The following SEMA6D variants were observed in gnomAD, a reference collection of about 807,000 sequenced individuals.
SEMA6D encodes the protein semaphorin-6D.
SEMA6D carries 35 observed loss-of-function variants against 106.6 expected under a neutral mutation model. That is an observed-to-expected ratio of 0.33 (90% CI 0.25 to 0.44). The LOEUF (loss-of-function observed/expected upper bound fraction) is 0.44, where lower values mean the gene tolerates loss of function less well. SEMA6D is among the 20% of genes least tolerant of loss of function. SEMA6D has a pLI of 1.00. For synonymous variants in SEMA6D, 499 were observed against 487.7 expected, an observed-to-expected ratio of 1.02 and a Z score of -0.31; for missense variants, 1,185 against 1,345.9, an observed-to-expected ratio of 0.88 and a Z score of 1.87.
chr15:47,490,687 G>A lies in SEMA6D; in HGVS notation c.-87+20142G>A, dbSNP rs1345620692. ...CAAATAGAAGCTACAAACTAGCGCA[G>A]CAATATTTGTAAACATACAGCTGAC... On this transcript the variant is annotated intron_variant, in intron 3 of 19. Transcript: ENST00000558014. Among the ~76,000 whole-genome samples, 3 of 152,004 alleles carry A rather than the reference G, an allele frequency of 2.0e-5. No homozygotes were observed. In the East Asian group the frequency reaches 5.8e-4, roughly 29 times the overall value.
At chr15:47,700,780 G>T (rs187703857) in intron 4 of SEMA6D, among the ~76,000 whole-genome samples, 8 of 152,134 alleles carry the variant, frequency 5.3e-5, no homozygotes, top group African/African-American at 1.9e-4. Context: ...TATAGTATTG[G>T]CAAAAGAACA....
chr15:47,573,714 G>A (rs895883810), intron 3 of SEMA6D, among the ~76,000 whole-genome samples: 4 of 152,138 alleles, frequency 2.6e-5, no homozygotes, highest in Non-Finnish European at 1.5e-5. Context: ...CAATCAGCTG[G>A]ACTCCTTATA....
intron 1 of SEMA6D, among the ~76,000 whole-genome samples, chr15:47,356,143 A>G (rs1000680479): frequency 3.9e-5 from 6 of 152,040 alleles, no homozygotes; most frequent in Admixed American, 3.9e-4. Context: ...TCCTCTTCTT[A>G]CCCTTTTTTA....
At chr15:47,611,186 C>CACGCAT (rs56105834) in intron 4 of SEMA6D, among the ~76,000 whole-genome samples, 1 of 150,522 alleles carries the variant, frequency 6.6e-6, no homozygotes, top group Non-Finnish European at 1.5e-5. Flanking sequence ...CACACACACA[C>CACGCAT]GCATGCACAC....
chr15:47,604,886 TTA>T (rs2076745208), intron 4 of SEMA6D, among the ~76,000 whole-genome samples: 1 of 141,278 alleles, frequency 7.1e-6, no homozygotes, highest in Non-Finnish European at 1.6e-5. Context: ...TTTTGTATTT[TTA>T]GTAGAAATAA....
chr15:47,376,862 T>A (rs1240582830), intron 1 of SEMA6D, among the ~76,000 whole-genome samples: 1 of 152,216 alleles, frequency 6.6e-6, no homozygotes, highest in East Asian at 1.9e-4. Flanking sequence ...TTTCCCATGA[T>A]CACATCAGAA....
chr15:47,470,580 C>T (rs1034202408), intron 3 of SEMA6D: 1 of 152,022 alleles, frequency 6.6e-6, no homozygotes, highest in South Asian at 2.1e-4. Context: ...TATGTCTCTT[C>T]TGCATGGAAT....
At chr15:47,754,871 ATCT>A (rs2081625978) in intron 1 of SEMA6D, among the ~76,000 whole-genome samples, 1 of 151,336 alleles carries the variant, frequency 6.6e-6, no homozygotes, top group East Asian at 1.9e-4. Context: ...TTACTCACTA[ATCT>A]TCTCTTTACC....
At chr15:47,493,764 A>G (rs1334112520) in intron 3 of SEMA6D, among the ~76,000 whole-genome samples, 1 of 152,134 alleles carries the variant, frequency 6.6e-6, no homozygotes, top group Non-Finnish European at 1.5e-5. Context: ...AAACAAAGTA[A>G]TTTATCCAAG....
intron 1 of SEMA6D, among the ~76,000 whole-genome samples, chr15:47,216,616 CAA>C (rs912173582): frequency 5.9e-5 from 9 of 151,896 alleles, no homozygotes; most frequent in African/African-American, 1.9e-4. Context: ...ACAAGAAAAA[CAA>C]AGAGTCAGTT....
intron 4 of SEMA6D, among the ~76,000 whole-genome samples, chr15:47,677,829 G>A (rs1466690065): frequency 6.6e-6 from 1 of 152,170 alleles, no homozygotes; most frequent in Admixed American, 6.5e-5. Flanking sequence ...TAAATTGCTA[G>A]CAATTCTCAT....
intron 3 of SEMA6D, among the ~76,000 whole-genome samples, chr15:47,554,838 C>T (rs1391296813): frequency 2.6e-5 from 4 of 152,052 alleles, no homozygotes; most frequent in Admixed American, 6.6e-5. Flanking sequence ...TAAAGCAAGG[C>T]GGTCTGTGTT....
intron 3 of SEMA6D, among the ~76,000 whole-genome samples, chr15:47,581,999 A>C (rs1321213180): frequency 1.3e-5 from 2 of 152,240 alleles, no homozygotes; most frequent in Non-Finnish European, 2.9e-5. Flanking sequence ...AGATTGTCCC[A>C]AAACAGATTC....
intron 4 of SEMA6D, among the ~76,000 whole-genome samples, chr15:47,628,633 T>C (rs1208416429): frequency 6.6e-6 from 1 of 152,154 alleles, no homozygotes; most frequent in East Asian, 1.9e-4. Flanking sequence ...ACATTTTTAA[T>C]ATGTTCTAGA....
At chr15:47,187,296 C>G (rs1893647291) in intron 1 of SEMA6D, among the ~76,000 whole-genome samples, 1 of 152,270 alleles carries the variant, frequency 6.6e-6, no homozygotes, top group African/African-American at 2.4e-5. Flanking sequence ...CTAGCTGCTT[C>G]TAAATATTCA....
rs182411076 is a variant in SEMA6D at position 47,735,283 on chromosome 15, G to A, written c.-55+17591G>A. 4.6e-5 allele frequency among the ~76,000 whole-genome samples: 7 copies of A among 152,272 alleles called. No individual in the cohort carries two copies. The East Asian group carries it at 1.4e-3, about 29-fold the overall frequency. On this transcript the variant is annotated intron_variant, in intron 1 of 18. Coordinates refer to ENST00000536845, the MANE Select transcript of SEMA6D (RefSeq NM_001358351.3). ...ATGACAACAATAACTTTTAGAGAAG[G>A]CACTACGGTATAGTCATCATGGCCC...
chr15:47,629,070 T>C (rs1394021859), intron 4 of SEMA6D, among the ~76,000 whole-genome samples: 2 of 152,074 alleles, frequency 1.3e-5, no homozygotes. Context: ...TTAAGTTCTC[T>C]ATTCAGTGTC....
chr15:47,192,586 TC>T (rs997275318), intron 1 of SEMA6D, among the ~76,000 whole-genome samples: 3 of 152,100 alleles, frequency 2.0e-5, no homozygotes, highest in African/African-American at 7.2e-5. Flanking sequence ...AGCATTTTTT[TC>T]AAAGAATAAC....
At chr15:47,396,191 T>C (rs1359957816) in intron 1 of SEMA6D, among the ~76,000 whole-genome samples, 1 of 152,092 alleles carries the variant, frequency 6.6e-6, no homozygotes, top group East Asian at 1.9e-4. Flanking sequence ...AGGAAATAAA[T>C]GTCTGTTACT....
Sources: gnomAD v4.1 joint callset for allele counts (sites outside exome capture counted in the v4.1 genomes callset) on GRCh38, gnomAD v4.1.1 for gene constraint, MANE v1.5 for transcripts, NCBI Gene and HGNC (gene_info 2026-07-23, HGNC 2026-07-21) for gene names.